The following CNTLN variants were observed in gnomAD, a reference collection of about 807,000 sequenced individuals.
CNTLN encodes the protein centlein.
A neutral mutation model predicts 180.0 loss-of-function variants in CNTLN; 212 were observed. That is an observed-to-expected ratio of 1.18 (90% confidence interval 1.05 to 1.32). The LOEUF (loss-of-function observed/expected upper bound fraction) is 1.32, where lower values mean the gene tolerates loss of function less well. Among genes scored for constraint, CNTLN ranks in the 40% most tolerant of loss-of-function variants. The pLI is 0.00. For missense variants in CNTLN, 2,095 were observed against 1,610.9 expected (o/e 1.30, Z -5.14); for synonymous variants, 722 against 563.1 (o/e 1.28, Z -3.99).
intron 6 of CNTLN, among the ~76,000 whole-genome samples, chr9:17,290,727 G>T (rs1277729513): frequency 2.0e-5 from 3 of 151,650 alleles, no homozygotes; most frequent in Admixed American, 6.6e-5. Flanking sequence ...CGCTTTTTAA[G>T]CCGGTCTGAA....
intron 18 of CNTLN, among the ~76,000 whole-genome samples, chr9:17,456,239 A>G (rs544990140): frequency 1.4e-3 from 208 of 152,208 alleles, no homozygotes; most frequent in Non-Finnish European, 2.6e-3. Flanking sequence ...TTAAGAGTTT[A>G]CTTTTAGATA....
At chr9:17,230,614 G>C (rs769286083) in intron 3 of CNTLN, among the ~76,000 whole-genome samples, 6 of 151,848 alleles carry the variant, frequency 4.0e-5, no homozygotes, top group Non-Finnish European at 8.8e-5. Context: ...AACCCCATGA[G>C]TCTGGGCTCT....
At chr9:17,421,008 T>C (rs1416345774) in intron 18 of CNTLN, among the ~76,000 whole-genome samples, 1 of 152,212 alleles carries the variant, frequency 6.6e-6, no homozygotes, top group Non-Finnish European at 1.5e-5. Flanking sequence ...CTCATCCATA[T>C]GCTAAGGAGA....
At chr9:17,320,444 T>C (rs1819831158) in intron 8 of CNTLN, among the ~76,000 whole-genome samples, 1 of 152,118 alleles carries the variant, frequency 6.6e-6, no homozygotes, top group South Asian at 2.1e-4. Flanking sequence ...TGTTTATGAA[T>C]TCCTGCCTCT....
At chr9:17,381,775 G>A (rs1825273354) in intron 13 of CNTLN, among the ~76,000 whole-genome samples, 1 of 152,150 alleles carries the variant, frequency 6.6e-6, no homozygotes, top group African/African-American at 2.4e-5. Context: ...TTGGTTGGCT[G>A]GAGTGCTTCA....
At chr9:17,447,826 T>A (rs1588018880) in intron 18 of CNTLN, 1 of 153,208 alleles carries the variant, frequency 6.5e-6, no homozygotes, top group Non-Finnish European at 1.5e-5. Flanking sequence ...ATGCTGTCCT[T>A]AAGTGACAGC....
intron 23 of CNTLN, among the ~76,000 whole-genome samples, chr9:17,469,347 T>C (rs1394693908): frequency 1.3e-5 from 2 of 151,780 alleles, no homozygotes; most frequent in African/African-American, 4.8e-5. Flanking sequence ...CAACATATAG[T>C]TGCTATTGGT....
intron 2 of CNTLN, among the ~76,000 whole-genome samples, chr9:17,170,804 A>G (rs1820374032): frequency 6.6e-6 from 1 of 152,046 alleles, no homozygotes; most frequent in Admixed American, 6.6e-5. Flanking sequence ...TTGGTCAATG[A>G]TGGACTATAT....
At chr9:17,310,577 G>A (rs1819062503) in intron 8 of CNTLN, among the ~76,000 whole-genome samples, 1 of 152,050 alleles carries the variant, frequency 6.6e-6, no homozygotes, top group African/African-American at 2.4e-5. Context: ...ATCTTTGTGG[G>A]TTATATATCT....
chr9:17,257,486 A>G (rs2132327444), intron 5 of CNTLN, among the ~76,000 whole-genome samples: 1 of 151,968 alleles, frequency 6.6e-6, no homozygotes, highest in African/African-American at 2.4e-5. Context: ...CTTTGGGTAT[A>G]TACCCAGTAA....
At chr9:17,507,974 T>C (rs1053605228), downstream of CNTLN, among the ~76,000 whole-genome samples, 3 of 152,210 alleles carry the variant, frequency 2.0e-5, no homozygotes, top group Non-Finnish European at 4.4e-5. Flanking sequence ...TCTGTACTCT[T>C]ACATTTTGTG....
intron 7 of CNTLN, among the ~76,000 whole-genome samples, chr9:17,303,992 C>T (rs964761209): frequency 6.6e-6 from 1 of 152,086 alleles, no homozygotes; most frequent in African/African-American, 2.4e-5. Flanking sequence ...TCTCTCAATT[C>T]TTCACCCCTT....
At chr9:17,275,720 T>G (rs1828267349) in intron 6 of CNTLN, among the ~76,000 whole-genome samples, 2 of 152,128 alleles carry the variant, frequency 1.3e-5, no homozygotes. Flanking sequence ...TTTAGTGTAT[T>G]GCAAGAGCTG....
chr9:17,449,508 A>G (rs1342728656), intron 18 of CNTLN, among the ~76,000 whole-genome samples: 5 of 152,194 alleles, frequency 3.3e-5, no homozygotes, highest in Non-Finnish European at 5.9e-5. Context: ...TAAAAGAAAA[A>G]AAAAAAGAGA....
chr9:17,233,342 CATG>C, intron 3 of CNTLN, among the ~76,000 whole-genome samples: 1 of 152,048 alleles, frequency 6.6e-6, no homozygotes, highest in East Asian at 1.9e-4. Flanking sequence ...AAATCTTAAA[CATG>C]ATAAAAATTT....
At chr9:17,411,724 GAATCT>G (rs544374811) in intron 16 of CNTLN, among the ~76,000 whole-genome samples, 72 of 152,238 alleles carry the variant, frequency 4.7e-4, no homozygotes, top group South Asian at 4.0e-3. Context: ...CTCCTTATGA[GAATCT>G]AATGCCTGAT....
At chr9:17,472,623 C>G (rs145940091) in intron 23 of CNTLN, among the ~76,000 whole-genome samples, 1 of 152,104 alleles carries the variant, frequency 6.6e-6, no homozygotes, top group African/African-American at 2.4e-5. Context: ...TTGTGTTACA[C>G]TGACTGGTAG....
At chr9:17,346,447 T>C (rs1209242869) in intron 12 of CNTLN, among the ~76,000 whole-genome samples, 1 of 152,164 alleles carries the variant, frequency 6.6e-6, no homozygotes, top group Non-Finnish European at 1.5e-5. Flanking sequence ...AGATGAGATT[T>C]GGGTGGGGAC....
intron 2 of CNTLN, among the ~76,000 whole-genome samples, chr9:17,147,525 T>G (rs192523668): frequency 6.6e-5 from 10 of 152,258 alleles, no homozygotes; most frequent in African/African-American, 2.2e-4. Context: ...CTATTTAGGT[T>G]TTGGATTATA....
Sources: allele counts gnomAD v4.1 joint callset (sites outside exome capture counted in the v4.1 genomes callset), GRCh38; gene constraint gnomAD v4.1.1; transcripts MANE v1.5; gene names NCBI Gene and HGNC (gene_info 2026-07-23, HGNC 2026-07-21).